Variants in ASIC2 observed in about 807,000 individuals in gnomAD.
ASIC2 encodes the protein acid sensing ion channel subunit 2, also known as acid-sensing ion channel 2.
In ASIC2, 25 loss-of-function variants were observed where a neutral mutation model predicts 57.3. That is an observed-to-expected ratio of 0.44 (90% CI 0.32 to 0.61). The LOEUF is 0.61. Ranked by LOEUF, ASIC2 falls within the 20% of genes least tolerant of loss-of-function variation. The pLI, the probability that ASIC2 is intolerant of heterozygous loss-of-function variation, is 0.06. For missense variants in ASIC2, 641 were observed against 738.1 expected (o/e 0.87, Z 1.52); for synonymous variants, 319 against 307.5 (o/e 1.04, Z -0.39).
intron 1 of ASIC2, among the ~76,000 whole-genome samples, chr17:33,310,141 T>G (rs2142203671): frequency 6.6e-6 from 1 of 152,052 alleles, no homozygotes; most frequent in African/African-American, 2.4e-5. Context: ...TTGATGTCTC[T>G]ATGCTACCTC....
At chr17:33,420,317 T>C (rs1911002269) in intron 1 of ASIC2, among the ~76,000 whole-genome samples, 1 of 152,208 alleles carries the variant, frequency 6.6e-6, no homozygotes, top group Non-Finnish European at 1.5e-5. Flanking sequence ...GTGCATGCAG[T>C]TATTCTACAA....
chr17:33,585,427 T>A (rs1482951427), intron 1 of ASIC2, among the ~76,000 whole-genome samples: 1 of 152,236 alleles, frequency 6.6e-6, no homozygotes, highest in Non-Finnish European at 1.5e-5. Flanking sequence ...CAAATCTTAT[T>A]GAGAAATCAT....
intron 1 of ASIC2, among the ~76,000 whole-genome samples, chr17:33,415,022 C>T (rs1910793608): frequency 1.3e-5 from 2 of 152,230 alleles, no homozygotes; most frequent in African/African-American, 4.8e-5. Flanking sequence ...GCAGTCCAGG[C>T]ACTGTCCTCA....
intron 1 of ASIC2, among the ~76,000 whole-genome samples, chr17:33,249,935 G>C (rs1180075545): frequency 6.6e-6 from 1 of 152,160 alleles, no homozygotes; most frequent in Non-Finnish European, 1.5e-5. Flanking sequence ...TCCCTGAAAA[G>C]TGAGTGGGGC....
At chr17:33,910,550 C>G (rs964541940) in intron 1 of ASIC2, among the ~76,000 whole-genome samples, 5 of 152,166 alleles carry the variant, frequency 3.3e-5, no homozygotes, top group African/African-American at 1.2e-4. Context: ...ATTCTGTTTT[C>G]CTTCATAGAA....
Position 33,096,100 on chromosome 17 carries a change from G to A in ASIC2, c.860-7110C>T, listed in dbSNP as rs919767862. Among the ~76,000 whole-genome samples the A allele has an allele frequency of 7.2e-5, 11 of 152,206 alleles. No individual in the cohort carries two copies. The East Asian group carries it at 7.7e-4, about 11-fold the overall frequency. On this transcript the variant is annotated intron_variant, in intron 2 of 9. Transcript: ENST00000225823. ...TGCATGCAGACGTGTACTAGTGTACGGGTGTGCCAGAGAGAGAAAGCAAGA... is the reference window on the plus strand; with the variant it reads ...TGCATGCAGACGTGTACTAGTGTACAGGTGTGCCAGAGAGAGAAAGCAAGA...
At chr17:33,214,437 C>T (rs1335857529) in intron 1 of ASIC2, among the ~76,000 whole-genome samples, 3 of 152,176 alleles carry the variant, frequency 2.0e-5, no homozygotes, top group Admixed American at 1.3e-4. Context: ...CTGGAGCTGG[C>T]AGACATTGTG....
chr17:33,861,349 C>CT (rs940476437), intron 1 of ASIC2, among the ~76,000 whole-genome samples: 5 of 152,226 alleles, frequency 3.3e-5, no homozygotes, highest in Admixed American at 6.5e-5. Flanking sequence ...TGGAATAATG[C>CT]TTTTTTTCAC....
chr17:33,953,358 C>A (rs1904638197), intron 1 of ASIC2, among the ~76,000 whole-genome samples: 6 of 152,290 alleles, frequency 3.9e-5, no homozygotes, highest in African/African-American at 1.4e-4. Context: ...GTACTTAAAT[C>A]AATCCAATAG....
intron 1 of ASIC2, among the ~76,000 whole-genome samples, chr17:34,040,585 T>C (rs914827169): frequency 4.9e-4 from 74 of 152,152 alleles, no homozygotes; most frequent in African/African-American, 1.7e-3. Context: ...GTAGGGTGAC[T>C]TGCACAAGCT....
At chr17:33,303,527 A>G (rs973621835) in intron 1 of ASIC2, among the ~76,000 whole-genome samples, 3 of 152,228 alleles carry the variant, frequency 2.0e-5, no homozygotes, top group African/African-American at 7.2e-5. Context: ...ACCGACAGCA[A>G]CTACATGGCC....
At chr17:33,022,465 AC>A (rs2091840275) in intron 6 of ASIC2, among the ~76,000 whole-genome samples, 2 of 152,162 alleles carry the variant, frequency 1.3e-5, no homozygotes, top group South Asian at 4.2e-4. Context: ...TCTGTCACTC[AC>A]CTCTGAAAGC....
At chr17:33,201,604 T>C (rs544332460) in intron 1 of ASIC2, among the ~76,000 whole-genome samples, 2 of 152,228 alleles carry the variant, frequency 1.3e-5, no homozygotes, top group Non-Finnish European at 2.9e-5. Context: ...TTGCATGTAA[T>C]TAAAATGAGT....
chr17:33,857,223 C>G (rs317345), intron 1 of ASIC2, among the ~76,000 whole-genome samples: 1 of 152,030 alleles, frequency 6.6e-6, no homozygotes, highest in East Asian at 1.9e-4. Flanking sequence ...CCAGACATGA[C>G]GTATCTTGAC....
At chr17:33,418,028 ATGTGTGTGTGTGTGTGTG>A (rs1161141315) in intron 1 of ASIC2, among the ~76,000 whole-genome samples, 7 of 67,828 alleles carry the variant, frequency 1.0e-4, no homozygotes, top group African/African-American at 2.2e-4. Flanking sequence ...GCATGTATGT[ATGTGTGTGTGTGTGTGTG>A]TGTGTGTGTG....
At chr17:33,766,730 A>T (rs181086445) in intron 1 of ASIC2, among the ~76,000 whole-genome samples, 54 of 152,370 alleles carry the variant, frequency 3.5e-4, no homozygotes, top group African/African-American at 1.2e-3. Flanking sequence ...ATGAAGCTGT[A>T]TGCTGAGAGT....
chr17:33,284,842 C>T (rs930759789), intron 1 of ASIC2, among the ~76,000 whole-genome samples: 1 of 152,142 alleles, frequency 6.6e-6, no homozygotes, highest in Non-Finnish European at 1.5e-5. Context: ...CAATACAAAT[C>T]CTAGGCTGTT....
chr17:33,287,298 A>G (rs1597666858), intron 1 of ASIC2, among the ~76,000 whole-genome samples: 2 of 152,136 alleles, frequency 1.3e-5, no homozygotes, highest in South Asian at 4.2e-4. Flanking sequence ...TCTGCCTGGC[A>G]CTCTCCCCTG....
intron 1 of ASIC2, among the ~76,000 whole-genome samples, chr17:33,117,518 G>A (rs1426822666): frequency 2.0e-5 from 3 of 152,128 alleles, no homozygotes; most frequent in Non-Finnish European, 4.4e-5. Context: ...GGAAGTAGAG[G>A]CATTTTATAT....
Sources: allele counts gnomAD v4.1 joint callset (sites outside exome capture counted in the v4.1 genomes callset), GRCh38; gene constraint gnomAD v4.1.1; transcripts MANE v1.5; gene names NCBI Gene and HGNC (gene_info 2026-07-23, HGNC 2026-07-21).